Variants in ROBO1 observed in about 807,000 individuals in gnomAD.
ROBO1 encodes the protein roundabout homolog 1.
In ROBO1, 149 loss-of-function variants were observed where a neutral mutation model predicts 195.9. That is an observed-to-expected ratio of 0.76 (90% CI 0.67 to 0.87). The LOEUF (loss-of-function observed/expected upper bound fraction) is 0.87, where lower values mean the gene tolerates loss of function less well. Ranked by LOEUF, ROBO1 falls within the 40% of genes least tolerant of loss-of-function variation. The pLI, the probability that ROBO1 is intolerant of heterozygous loss-of-function variation, is 0.00. For missense variants in ROBO1, 1,933 were observed against 2,068.3 expected, an observed-to-expected ratio of 0.93 and a Z score of 1.27; for synonymous variants, 816 against 733.2, an observed-to-expected ratio of 1.11 and a Z score of -1.82.
At chr3:78,781,113 A>T in intron 4 of ROBO1, among the ~76,000 whole-genome samples, 1 of 152,186 alleles carries the variant, frequency 6.6e-6, no homozygotes, top group East Asian at 1.9e-4. Flanking sequence ...ACTCTAAAAC[A>T]ACAATGACAA....
At chr3:78,657,976 T>C (rs1324618068) in intron 17 of ROBO1, among the ~76,000 whole-genome samples, 1 of 152,214 alleles carries the variant, frequency 6.6e-6, no homozygotes, top group African/African-American at 2.4e-5. Context: ...TCTGCTCTTC[T>C]ATTTAAATGG....
At chr3:79,724,489 AAC>A (rs1362343591) in intron 1 of ROBO1, among the ~76,000 whole-genome samples, 2 of 152,292 alleles carry the variant, frequency 1.3e-5, no homozygotes, top group East Asian at 3.9e-4. Context: ...GAGGTTACGA[AAC>A]ATGGAGACTT....
intron 2 of ROBO1, among the ~76,000 whole-genome samples, chr3:79,173,622 G>T (rs572095798): frequency 1.3e-5 from 2 of 152,186 alleles, no homozygotes; most frequent in East Asian, 3.9e-4. Context: ...CATGGGCTCC[G>T]GCTCAGCCCG....
At chr3:79,465,404 G>A (rs1024554717) in intron 2 of ROBO1, among the ~76,000 whole-genome samples, 2 of 151,908 alleles carry the variant, frequency 1.3e-5, no homozygotes, top group African/African-American at 4.8e-5. Flanking sequence ...TGTTGGTTAC[G>A]CATTTTTGTC....
intron 2 of ROBO1, among the ~76,000 whole-genome samples, chr3:79,486,901 C>T (rs1939187974): frequency 6.6e-6 from 1 of 152,148 alleles, no homozygotes; most frequent in East Asian, 1.9e-4. Flanking sequence ...AAAGGTTGAT[C>T]AGCAAAGACA....
chr3:78,887,717 C>T (rs913494106), intron 4 of ROBO1, among the ~76,000 whole-genome samples: 3 of 152,134 alleles, frequency 2.0e-5, no homozygotes, highest in Admixed American at 6.5e-5. Context: ...TTTTGCTTGG[C>T]TTGCTTCTAT....
At chr3:79,078,937 A>G (rs1195349138) in intron 3 of ROBO1, among the ~76,000 whole-genome samples, 1 of 151,724 alleles carries the variant, frequency 6.6e-6, no homozygotes, top group Admixed American at 6.6e-5. Context: ...TGACTCTATT[A>G]TATTGAATTC....
intron 3 of ROBO1, among the ~76,000 whole-genome samples, chr3:79,115,542 G>A (rs751800896): frequency 1.3e-5 from 2 of 152,080 alleles, no homozygotes; most frequent in Non-Finnish European, 2.9e-5. Context: ...CAGGGATACA[G>A]GTTATATATG....
At chr3:79,646,831 T>C (rs1266417031) in intron 1 of ROBO1, among the ~76,000 whole-genome samples, 5 of 152,102 alleles carry the variant, frequency 3.3e-5, no homozygotes, top group Non-Finnish European at 4.4e-5. Flanking sequence ...TCATATGTTC[T>C]CAATCATATA....
At chr3:78,710,160 C>G (rs527447463) in intron 8 of ROBO1, among the ~76,000 whole-genome samples, 23 of 152,194 alleles carry the variant, frequency 1.5e-4, no homozygotes, top group Middle Eastern at 6.8e-3. Flanking sequence ...ACTTCCCACT[C>G]GTGGACTCAA....
At chr3:79,574,545 A>G (rs1486206689) in intron 2 of ROBO1, among the ~76,000 whole-genome samples, 1 of 151,998 alleles carries the variant, frequency 6.6e-6, no homozygotes, top group East Asian at 1.9e-4. Context: ...AATTAAGTCC[A>G]GTGGCAATTC....
chr3:79,615,097 A>G (rs1392429688), intron 1 of ROBO1, among the ~76,000 whole-genome samples: 2 of 152,132 alleles, frequency 1.3e-5, no homozygotes, highest in Admixed American at 1.3e-4. Context: ...CTCTCATTAT[A>G]TCCTCCTCCC....
chr3:78,894,084 G>C (rs1020555068), intron 4 of ROBO1, among the ~76,000 whole-genome samples: 1 of 152,074 alleles, frequency 6.6e-6, no homozygotes, highest in Non-Finnish European at 1.5e-5. Flanking sequence ...AAAATGAAAA[G>C]AATTTAGTTT....
At chr3:79,271,931 T>C (rs189580696) in intron 2 of ROBO1, among the ~76,000 whole-genome samples, 1 of 152,180 alleles carries the variant, frequency 6.6e-6, no homozygotes, top group East Asian at 1.9e-4. Context: ...GAATACATTA[T>C]TGAATAAAAC....
intron 4 of ROBO1, among the ~76,000 whole-genome samples, chr3:78,918,859 G>A (rs2038782343): frequency 6.6e-6 from 1 of 152,034 alleles, no homozygotes; most frequent in Admixed American, 6.6e-5. Flanking sequence ...ATGAAAAAAG[G>A]ATATGAAAAA....
chr3:78,777,886 T>C lies in ROBO1; in HGVS notation c.500-30986A>G, dbSNP rs201560529. 6.2e-4 allele frequency among the ~76,000 whole-genome samples: 94 copies of C among 152,320 alleles called. No homozygotes were observed. The East Asian group carries it at 0.012, about 20-fold the overall frequency. ...CCAATTCTATATTGAATAGGAGTGG[T>C]GAGAGAGGGCATCCTTGCCTTGTGC... is the stretch of plus-strand genomic sequence containing the variant. On this transcript the variant is annotated intron_variant, in intron 4 of 30. Coordinates refer to ENST00000464233, the MANE Select transcript of ROBO1 (RefSeq NM_002941.4).
At chr3:78,948,566 T>C (rs1031875920) in intron 3 of ROBO1, among the ~76,000 whole-genome samples, 1 of 152,136 alleles carries the variant, frequency 6.6e-6, no homozygotes, top group African/African-American at 2.4e-5. Flanking sequence ...TCATACTGAA[T>C]GGGCAAAAAC....
chr3:78,844,253 T>C (rs1464895533), intron 4 of ROBO1, among the ~76,000 whole-genome samples: 1 of 152,152 alleles, frequency 6.6e-6, no homozygotes, highest in Admixed American at 6.6e-5. Flanking sequence ...AACGGAGGCC[T>C]TCTCCTTCTC....
chr3:79,743,623 T>C (rs1278082257), intron 1 of ROBO1, among the ~76,000 whole-genome samples: 1 of 152,236 alleles, frequency 6.6e-6, no homozygotes, highest in Non-Finnish European at 1.5e-5. Context: ...AATATGAATA[T>C]TTTACTCTTT....
Sources: gnomAD v4.1 joint callset for allele counts (sites outside exome capture counted in the v4.1 genomes callset) on GRCh38, gnomAD v4.1.1 for gene constraint, MANE v1.5 for transcripts, NCBI Gene and HGNC (gene_info 2026-07-23, HGNC 2026-07-21) for gene names.